Variants in SLC39A11 observed in about 807,000 individuals in gnomAD.
The protein encoded by SLC39A11 is solute carrier family 39 member 11.
SLC39A11 carries 33 observed loss-of-function variants against 36.1 expected under a neutral mutation model. That is an observed-to-expected ratio of 0.91 (90% CI 0.69 to 1.22). The LOEUF (loss-of-function observed/expected upper bound fraction) is 1.22. Among genes scored for constraint, SLC39A11 ranks in the 50% most tolerant of loss-of-function variants. The pLI, the probability that SLC39A11 is intolerant of heterozygous loss-of-function variation, is 0.00. For synonymous variants in SLC39A11, 166 were observed against 170.3 expected (o/e 0.97, Z 0.20); for missense variants, 432 against 430.3 (o/e 1.00, Z -0.03).
chr17:72,934,989 A>G (rs1018050618), intron 5 of SLC39A11, among the ~76,000 whole-genome samples: 1 of 152,218 alleles, frequency 6.6e-6, no homozygotes, highest in African/African-American at 2.4e-5. Context: ...TTCCTATCAC[A>G]TGACCCAGCC....
chr17:72,984,076 G>A (rs544646557), intron 4 of SLC39A11, among the ~76,000 whole-genome samples: 1 of 152,272 alleles, frequency 6.6e-6, no homozygotes, highest in Admixed American at 6.5e-5. Context: ...CTCAGAGTGG[G>A]GCTGGAATCG....
At chr17:72,815,767 C>T (rs1165451524) in intron 6 of SLC39A11, among the ~76,000 whole-genome samples, 1 of 152,048 alleles carries the variant, frequency 6.6e-6, no homozygotes, top group African/African-American at 2.4e-5. Context: ...ACTAAAAATA[C>T]AAAAATTAGC....
At chr17:72,859,575 G>A (rs8070819) in intron 5 of SLC39A11, among the ~76,000 whole-genome samples, 73,896 of 150,904 alleles carry the variant, frequency 0.49, 18,818 homozygotes, top group East Asian at 0.69. Context: ...TTAGGGACCA[G>A]GTTCTATGGA....
chr17:72,800,285 AC>A (rs1197496590), intron 6 of SLC39A11, among the ~76,000 whole-genome samples: 32 of 148,888 alleles, frequency 2.1e-4, no homozygotes, highest in South Asian at 1.1e-3. Context: ...CTCCACAAGG[AC>A]CAGGAAACCT....
intron 7 of SLC39A11, among the ~76,000 whole-genome samples, chr17:72,674,181 G>T (rs543945828): frequency 3.3e-5 from 5 of 152,114 alleles, no homozygotes; most frequent in Admixed American, 2.6e-4. Flanking sequence ...CCCTCTCTAG[G>T]TAATCTGTCT....
intron 3 of SLC39A11, among the ~76,000 whole-genome samples, chr17:73,050,462 CTTTTTT>C (rs558193911): frequency 8.0e-6 from 1 of 124,322 alleles, no homozygotes. Flanking sequence ...TGTGAACTGA[CTTTTTT>C]TTTTTTTTTT....
intron 5 of SLC39A11, among the ~76,000 whole-genome samples, chr17:72,920,963 C>T (rs558631336): frequency 7.7e-4 from 117 of 152,202 alleles, no homozygotes; most frequent in African/African-American, 2.8e-3. Context: ...ATGTATTTTG[C>T]TCATTTAGAA....
At chr17:72,887,127 C>A (rs4570929) in intron 5 of SLC39A11, among the ~76,000 whole-genome samples, 79,039 of 151,960 alleles carry the variant, frequency 0.52, 22,490 homozygotes, top group African/African-American at 0.75. Flanking sequence ...AGGGCAGGAG[C>A]TTTGTCTTTT....
At chr17:72,912,429 A>G (rs1156518902) in intron 5 of SLC39A11, among the ~76,000 whole-genome samples, 3 of 151,604 alleles carry the variant, frequency 2.0e-5, no homozygotes, top group Middle Eastern at 3.2e-3. Flanking sequence ...TCTTAGGACA[A>G]TATCTTTTTT....
chr17:73,050,556 C>T (rs1382156683), intron 3 of SLC39A11, among the ~76,000 whole-genome samples: 7 of 151,360 alleles, frequency 4.6e-5, no homozygotes, highest in Admixed American at 1.3e-4. Flanking sequence ...CTCTGCCTCC[C>T]GAGTTCAAGT....
chr17:72,861,918 C>T (rs1236714423), intron 5 of SLC39A11, among the ~76,000 whole-genome samples: 1 of 150,416 alleles, frequency 6.6e-6, no homozygotes, highest in Admixed American at 6.6e-5. Flanking sequence ...CAGCTAATTG[C>T]CAGGAAGAAC....
intron 4 of SLC39A11, among the ~76,000 whole-genome samples, chr17:72,985,407 C>CTTTTTTTTTTTTTTTTT: frequency 1.3e-5 from 1 of 78,928 alleles, no homozygotes; most frequent in Non-Finnish European, 2.3e-5. Flanking sequence ...TGGGGCCTGC[C>CTTTTTTTTTTTTTTTTT]TTTTTTTTTT....
At chr17:72,810,276 G>A (rs1242927561) in intron 6 of SLC39A11, among the ~76,000 whole-genome samples, 2 of 152,128 alleles carry the variant, frequency 1.3e-5, no homozygotes, top group Non-Finnish European at 2.9e-5. Context: ...ATGAGTGTGT[G>A]TTCATCAAAA....
At chr17:72,818,036 A>G (rs909169051) in intron 6 of SLC39A11, 10 of 152,172 alleles carry the variant, frequency 6.6e-5, no homozygotes, top group African/African-American at 2.4e-4. Context: ...TATTATGAGA[A>G]CAGCAGCATG....
At chr17:73,046,725 T>C (rs1447771885) in intron 3 of SLC39A11, among the ~76,000 whole-genome samples, 4 of 152,048 alleles carry the variant, frequency 2.6e-5, no homozygotes, top group African/African-American at 9.7e-5. Flanking sequence ...GCAGATCCCT[T>C]GAGCCCAGGA....
At chr17:72,664,038 C>A in intron 7 of SLC39A11, 1 of 158,502 alleles carries the variant, frequency 6.3e-6, no homozygotes. Context: ...TCGGGAGGGA[C>A]GCACATGGAG....
chr17:72,991,601 C>T lies in SLC39A11; in HGVS notation c.306+39955G>A, dbSNP rs147211626. ...CTTGAACTCCTGATCTCAGATAATC[C>T]CCCCGCCTTGGCCTCCCAAAGTGCT... On this transcript the variant is annotated intron_variant, in intron 4 of 9. Coordinates refer to ENST00000255559, the MANE Select transcript of SLC39A11 (RefSeq NM_139177.4). 6.2e-3 allele frequency among the ~76,000 whole-genome samples: 945 copies of T among 151,470 alleles called. 11 individuals carry two copies. The highest frequency in any genetic ancestry group is 0.021 in the African/African-American group (885 of 41,270).
intron 6 of SLC39A11, among the ~76,000 whole-genome samples, chr17:72,744,302 T>C (rs938460461): frequency 2.0e-5 from 3 of 152,142 alleles, no homozygotes; most frequent in Non-Finnish European, 2.9e-5. Flanking sequence ...CTAGGGTGGT[T>C]TGCAGCATCC....
intron 6 of SLC39A11, among the ~76,000 whole-genome samples, chr17:72,826,486 T>C (rs1413836592): frequency 6.6e-6 from 1 of 152,216 alleles, no homozygotes; most frequent in East Asian, 1.9e-4. Flanking sequence ...ACCTGATTTT[T>C]TCTAAGCTAA....
Sources: gnomAD v4.1 joint callset for allele counts (sites outside exome capture counted in the v4.1 genomes callset) on GRCh38, gnomAD v4.1.1 for gene constraint, MANE v1.5 for transcripts, NCBI Gene and HGNC (gene_info 2026-07-23, HGNC 2026-07-21) for gene names.